The following ARMH4 variants were observed in gnomAD, a reference collection of about 807,000 sequenced individuals.
The protein encoded by ARMH4 is armadillo like helical domain containing 4, also known as armadillo-like helical domain-containing protein 4.
A neutral mutation model predicts 61.9 loss-of-function variants in ARMH4; 49 were observed. That is an observed-to-expected ratio of 0.79 (90% CI 0.63 to 1.00). The LOEUF (loss-of-function observed/expected upper bound fraction) is 1.00, where lower values mean the gene tolerates loss of function less well. ARMH4 is among the 50% of genes least tolerant of loss of function. The pLI, the probability that ARMH4 is intolerant of heterozygous loss-of-function variation, is 0.00. For synonymous variants in ARMH4, 368 were observed against 341.5 expected (o/e 1.08, Z -0.85); for missense variants, 934 against 930.0 (o/e 1.00, Z -0.06).
rs1384891868 is a variant in ARMH4 at position 58,135,326 on chromosome 14, C to A, written c.1370-1985G>T. On this transcript the variant is annotated intron_variant, in intron 2 of 7. Transcript: ENST00000267485. ...CAGGATTCATTGTCTTTCTGTACCT[C>A]TAGCACATAGGGCAATGCTCTGTTT... is the stretch of plus-strand genomic sequence containing the variant. Among the ~76,000 whole-genome samples the A allele has an allele frequency of 2.6e-5, 4 of 152,272 alleles. No homozygotes were observed. The East Asian group carries it at 7.7e-4, about 29-fold the overall frequency.
chr14:58,137,385 G>T (rs1319066454), intron 2 of ARMH4, among the ~76,000 whole-genome samples: 1 of 152,002 alleles, frequency 6.6e-6, no homozygotes, highest in African/African-American at 2.4e-5. Flanking sequence ...ATTTAAATTT[G>T]GGTGTAATTT....
chr14:58,008,246 G>C (rs1882258417), intron 6 of ARMH4, among the ~76,000 whole-genome samples: 11 of 152,090 alleles, frequency 7.2e-5, no homozygotes, highest in Admixed American at 7.2e-4. Context: ...ATCCTCAAAT[G>C]GTTCAGGAAA....
intron 5 of ARMH4, among the ~76,000 whole-genome samples, chr14:58,067,127 G>A (rs1016562993): frequency 6.6e-6 from 1 of 152,198 alleles, no homozygotes; most frequent in Non-Finnish European, 1.5e-5. Flanking sequence ...GCAGGATGGG[G>A]TTTCTTCATC....
At chr14:58,117,862 A>G (rs1000877443) in intron 4 of ARMH4, among the ~76,000 whole-genome samples, 20 of 151,816 alleles carry the variant, frequency 1.3e-4, no homozygotes, top group African/African-American at 4.6e-4. Flanking sequence ...GGGCTCAAGC[A>G]ATCCTCCTGC....
chr14:58,034,495 C>A (rs1214712526), intron 5 of ARMH4, among the ~76,000 whole-genome samples: 1 of 127,416 alleles, frequency 7.8e-6, no homozygotes, highest in Admixed American at 7.4e-5. Context: ...ACTGCATCAA[C>A]TAACAAGCAA....
intron 5 of ARMH4, among the ~76,000 whole-genome samples, chr14:58,081,748 C>T (rs1403863106): frequency 6.6e-6 from 1 of 151,938 alleles, no homozygotes; most frequent in Non-Finnish European, 1.5e-5. Context: ...CCTCATGATC[C>T]GCCCGCCTCG....
intron 5 of ARMH4, among the ~76,000 whole-genome samples, chr14:58,053,592 T>G (rs546045506): frequency 3.9e-5 from 6 of 152,214 alleles, no homozygotes; most frequent in Non-Finnish European, 8.8e-5. Context: ...CCAAGGCCCC[T>G]GGTAGAAGAT....
chr14:58,008,617 C>CAT (rs1882272625), intron 6 of ARMH4, among the ~76,000 whole-genome samples: 1 of 152,152 alleles, frequency 6.6e-6, no homozygotes, highest in Non-Finnish European at 1.5e-5. Flanking sequence ...AGCATCCTTA[C>CAT]GATTTCTGTG....
At chr14:58,149,201 A>T (rs1887845000) in intron 1 of ARMH4, among the ~76,000 whole-genome samples, 2 of 152,014 alleles carry the variant, frequency 1.3e-5, no homozygotes, top group African/African-American at 4.8e-5. Context: ...AAAGACTCTC[A>T]CTCTATTAAC....
intron 4 of ARMH4, among the ~76,000 whole-genome samples, chr14:58,121,935 G>C (rs1646500013): frequency 6.6e-6 from 1 of 152,136 alleles, no homozygotes; most frequent in Non-Finnish European, 1.5e-5. Context: ...AACAGAACAG[G>C]CAACTGGGGG....
chr14:58,086,938 T>C (rs1240553078), intron 5 of ARMH4, among the ~76,000 whole-genome samples: 1 of 152,092 alleles, frequency 6.6e-6, no homozygotes, highest in East Asian at 1.9e-4. Context: ...GAATGTTTGA[T>C]ACATGTTCTG....
intron 2 of ARMH4, among the ~76,000 whole-genome samples, chr14:58,136,998 A>T (rs1887324286): frequency 6.6e-6 from 1 of 152,240 alleles, no homozygotes; most frequent in Non-Finnish European, 1.5e-5. Flanking sequence ...TTTTGTAAGA[A>T]ATGTAAGGGA....
intron 4 of ARMH4, among the ~76,000 whole-genome samples, chr14:58,126,887 A>G (rs901951746): frequency 1.4e-5 from 2 of 142,128 alleles, no homozygotes; most frequent in African/African-American, 5.3e-5. Context: ...ACTGCAACCT[A>G]TGCTTCCCGG....
intron 5 of ARMH4, among the ~76,000 whole-genome samples, chr14:58,025,623 T>A (rs1882996048): frequency 6.6e-6 from 1 of 152,194 alleles, no homozygotes; most frequent in Non-Finnish European, 1.5e-5. Flanking sequence ...ATGCTATTTC[T>A]AACACAAGAA....
At chr14:58,027,716 G>C (rs1219992264) in intron 5 of ARMH4, among the ~76,000 whole-genome samples, 2 of 152,092 alleles carry the variant, frequency 1.3e-5, no homozygotes, top group Non-Finnish European at 2.9e-5. Flanking sequence ...CCTACAACAA[G>C]TAATAATAAT....
chr14:58,139,884 C>G (rs1399659062), intron 1 of ARMH4, among the ~76,000 whole-genome samples: 2 of 152,196 alleles, frequency 1.3e-5, no homozygotes, highest in Non-Finnish European at 2.9e-5. Flanking sequence ...GAAACCTAAT[C>G]AGCAACATGG....
intron 5 of ARMH4, among the ~76,000 whole-genome samples, chr14:58,021,242 G>A (rs545540325): frequency 6.6e-6 from 1 of 152,272 alleles, no homozygotes; most frequent in South Asian, 2.1e-4. Flanking sequence ...ATCCTCACAT[G>A]GCTTGGGAGG....
At chr14:58,131,375 T>C (rs1281171627) in intron 4 of ARMH4, 137 bp downstream of exon 4, 1 of 599,728 alleles carries the variant, frequency 1.7e-6, no homozygotes, top group Non-Finnish European at 2.8e-6. Flanking sequence ...CAGGCCAGAT[T>C]TGGCCCAGCT....
chr14:58,114,469 A>G (rs560100155), intron 4 of ARMH4, among the ~76,000 whole-genome samples: 36 of 152,244 alleles, frequency 2.4e-4, no homozygotes, highest in African/African-American at 8.4e-4. Context: ...AATCCCATCA[A>G]TTTATTAAGG....
Sources: allele counts gnomAD v4.1 joint callset (sites outside exome capture counted in the v4.1 genomes callset), GRCh38; gene constraint gnomAD v4.1.1; transcripts MANE v1.5; gene names NCBI Gene and HGNC (gene_info 2026-07-23, HGNC 2026-07-21).